The following MACROD2 variants were observed in gnomAD, a reference collection of about 807,000 sequenced individuals.
MACROD2 encodes mono-ADP ribosylhydrolase 2.
In MACROD2, 36 loss-of-function variants were observed where a neutral mutation model predicts 70.4. That is an observed-to-expected ratio of 0.51 (90% CI 0.39 to 0.68). The LOEUF is 0.68. Among genes scored for constraint, MACROD2 ranks in the 30% least tolerant of loss-of-function variants. The pLI is 0.00. For missense variants in MACROD2, 496 were observed against 538.4 expected (o/e 0.92, Z 0.78); for synonymous variants, 172 against 178.8 (o/e 0.96, Z 0.30).
At chr20:15,575,089 C>T (rs1406246422) in intron 8 of MACROD2, among the ~76,000 whole-genome samples, 1 of 152,142 alleles carries the variant, frequency 6.6e-6, no homozygotes, top group Admixed American at 6.6e-5. Flanking sequence ...GGTAGCCATT[C>T]TCTCCCAGTG....
chr20:15,958,667 C>A (rs1323139779), intron 12 of MACROD2, among the ~76,000 whole-genome samples: 2 of 152,168 alleles, frequency 1.3e-5, no homozygotes, highest in Non-Finnish European at 2.9e-5. Context: ...GTGCTGTGGA[C>A]TTCGTGTTTG....
intron 6 of MACROD2, among the ~76,000 whole-genome samples, chr20:15,301,051 G>A (rs1474321547): frequency 6.6e-6 from 1 of 152,174 alleles, no homozygotes; most frequent in Non-Finnish European, 1.5e-5. Context: ...AGGAGAACGT[G>A]TTCTGCTTAA....
intron 4 of MACROD2, among the ~76,000 whole-genome samples, chr20:14,614,043 T>A (rs1280108956): frequency 1.3e-5 from 2 of 152,128 alleles, no homozygotes; most frequent in African/African-American, 4.8e-5. Context: ...TTTTTATAAA[T>A]TTTACTCAAC....
At chr20:15,330,821 C>T (rs1363263844) in intron 6 of MACROD2, among the ~76,000 whole-genome samples, 1 of 151,518 alleles carries the variant, frequency 6.6e-6, no homozygotes, top group East Asian at 1.9e-4. Flanking sequence ...GCTCAGAAGG[C>T]ATCTCAAGTT....
chr20:14,546,997 T>A (rs937833710), intron 4 of MACROD2, among the ~76,000 whole-genome samples: 1 of 152,124 alleles, frequency 6.6e-6, no homozygotes, highest in Non-Finnish European at 1.5e-5. Flanking sequence ...AAAAATATCA[T>A]CCTACTTTGC....
intron 8 of MACROD2, among the ~76,000 whole-genome samples, chr20:15,693,690 G>A (rs562215676): frequency 4.6e-5 from 7 of 152,098 alleles, no homozygotes; most frequent in Admixed American, 2.0e-4. Context: ...GTTGTCACTC[G>A]TTTCTTTTAT....
intron 3 of MACROD2, among the ~76,000 whole-genome samples, chr20:14,338,480 G>A (rs1338916101): frequency 2.6e-5 from 4 of 152,132 alleles, no homozygotes; most frequent in South Asian, 2.1e-4. Context: ...TTTTGGAGGC[G>A]AAGAAGTTAC....
chr20:14,092,267 A>G (rs1220320661), intron 3 of MACROD2, among the ~76,000 whole-genome samples: 5 of 152,086 alleles, frequency 3.3e-5, no homozygotes, highest in East Asian at 1.9e-4. Context: ...AATTATGTCA[A>G]ACACCTCTCC....
intron 5 of MACROD2, among the ~76,000 whole-genome samples, chr20:14,978,355 A>G (rs2074761556): frequency 1.4e-5 from 2 of 144,844 alleles, no homozygotes. Flanking sequence ...ACATAGAAGT[A>G]GTCCCCCTCT....
intron 5 of MACROD2, among the ~76,000 whole-genome samples, chr20:14,748,168 C>CATGTCATGTG: frequency 6.6e-6 from 1 of 152,204 alleles, no homozygotes; most frequent in East Asian, 1.9e-4. Context: ...TTCCTACACG[C>CATGTCATGTG]CTCTTAGCAT....
chr20:15,870,151 G>A (rs542424858), intron 9 of MACROD2, among the ~76,000 whole-genome samples: 10 of 151,592 alleles, frequency 6.6e-5, no homozygotes, highest in South Asian at 4.2e-4. Context: ...TATATCTTTC[G>A]TTTATTTTCC....
intron 4 of MACROD2, among the ~76,000 whole-genome samples, chr20:14,549,442 A>T (rs1394897230): frequency 6.6e-6 from 1 of 152,208 alleles, no homozygotes; most frequent in East Asian, 1.9e-4. Context: ...CCTGTTTTAT[A>T]TGTAAATAAG....
At chr20:15,799,908 T>G (rs890107462) in intron 8 of MACROD2, among the ~76,000 whole-genome samples, 7 of 152,240 alleles carry the variant, frequency 4.6e-5, no homozygotes, top group Admixed American at 4.6e-4. Flanking sequence ...AAGAGTTCCC[T>G]TTTCTCTGCA....
chr20:15,281,899 A>G (rs1286746226), intron 6 of MACROD2, among the ~76,000 whole-genome samples: 1 of 152,246 alleles, frequency 6.6e-6, no homozygotes, highest in African/African-American at 2.4e-5. Flanking sequence ...CTACCCCTGC[A>G]GCAGATTTCT....
chr20:14,914,052 C>T (rs2074060661), intron 5 of MACROD2, among the ~76,000 whole-genome samples: 1 of 152,166 alleles, frequency 6.6e-6, no homozygotes, highest in Admixed American at 6.5e-5. Context: ...AGAACTGTTT[C>T]TGAAAGGAAA....
intron 8 of MACROD2, among the ~76,000 whole-genome samples, chr20:15,783,089 G>A (rs1438186283): frequency 6.6e-6 from 1 of 151,866 alleles, no homozygotes; most frequent in Non-Finnish European, 1.5e-5. Flanking sequence ...AAACATACTG[G>A]TTATGCATAT....
At chr20:15,083,120 C>T (rs1218355119) in intron 5 of MACROD2, among the ~76,000 whole-genome samples, 2 of 152,148 alleles carry the variant, frequency 1.3e-5, no homozygotes, top group African/African-American at 2.4e-5. Context: ...TCTAGTTCTA[C>T]CAATGGACTT....
chr20:14,941,860 T>C (rs2074392908), intron 5 of MACROD2, among the ~76,000 whole-genome samples: 1 of 151,964 alleles, frequency 6.6e-6, no homozygotes, highest in Non-Finnish European at 1.5e-5. Flanking sequence ...CATGGCTCAC[T>C]GCAGCCTCGA....
chr20:14,172,164 G>C (rs1051371375), intron 3 of MACROD2, among the ~76,000 whole-genome samples: 7 of 152,022 alleles, frequency 4.6e-5, no homozygotes, highest in Non-Finnish European at 8.8e-5. Flanking sequence ...ACTCCTGCTT[G>C]CTTTTGGTGT....
Sources: gnomAD v4.1 joint callset for allele counts (sites outside exome capture counted in the v4.1 genomes callset) on GRCh38, gnomAD v4.1.1 for gene constraint, MANE v1.5 for transcripts, NCBI Gene and HGNC (gene_info 2026-07-23, HGNC 2026-07-21) for gene names.